MTERF1: variants seen among roughly 807,000 people sequenced by gnomAD.
The protein encoded by MTERF1 is transcription termination factor 1, mitochondrial.
A neutral mutation model predicts 31.6 loss-of-function variants in MTERF1; 29 were observed. The observed-to-expected ratio is 0.92, with a 90% confidence interval of 0.68 to 1.25. The LOEUF is 1.25. Among genes scored for constraint, MTERF1 ranks in the 50% most tolerant of loss-of-function variants. MTERF1 has a pLI of 0.00. For missense variants in MTERF1, 500 were observed against 469.1 expected, an observed-to-expected ratio of 1.07 and a Z score of -0.61; for synonymous variants, 152 against 164.1, an observed-to-expected ratio of 0.93 and a Z score of 0.57.
In MTERF1 at chr7:91,877,797, T is replaced by C. The variant is rs1481802944; in HGVS notation, c.29+2258A>G. ...TCATTCTCTGATTAAAGACCTTCTGTAGCTCTCCCCGAAAAAACAAAATCT... is the reference window on the plus strand; with the variant it reads ...TCATTCTCTGATTAAAGACCTTCTGCAGCTCTCCCCGAAAAAACAAAATCT... On this transcript the variant is annotated intron_variant, in intron 2 of 2. Transcript: ENST00000351870. Among the ~76,000 whole-genome samples, 4 of 152,218 alleles carry C rather than the reference T, an allele frequency of 2.6e-5. No homozygotes were observed. The East Asian group carries it at 5.8e-4, about 22-fold the overall frequency.
At chr7:91,875,129 G>A (rs1456585217) in intron 2 of MTERF1, among the ~76,000 whole-genome samples, 1 of 152,182 alleles carries the variant, frequency 6.6e-6, no homozygotes, top group Non-Finnish European at 1.5e-5. Context: ...AAAAGCAGGT[G>A]GGGCACCATT....
At position 91,873,549 on chromosome 7, in the gene MTERF1, G is replaced by A; in HGVS notation, c.*45C>T. 1 of 1,477,842 alleles carries A rather than the reference G, an allele frequency of 6.8e-7. No individual in the cohort carries two copies. Among genetic ancestry groups the A allele is most frequent in the Non-Finnish European group, 9.1e-7 (1 of 1,096,552 alleles). 91.5% of individuals were successfully genotyped at this position (1,477,842 alleles called of 1,614,324 possible). A position where few individuals can be genotyped will look rare whatever the true frequency, so the allele number is the denominator to read the frequency against. On this transcript the variant is annotated 3_prime_UTR_variant, in exon 3 of 3. Transcript: ENST00000351870. ...TTCTGCAAAATTCTTTTGCAATGTGGCATAACATATTCACAGTTCCTGAGA... is the reference window on the plus strand; with the variant it reads ...TTCTGCAAAATTCTTTTGCAATGTGACATAACATATTCACAGTTCCTGAGA...
Position 91,874,290 on chromosome 7 carries a change from A to C in MTERF1, c.504T>G (p.Phe168Leu). The C allele has an allele frequency of 6.2e-7, 1 of 1,614,018 alleles. No individual in the cohort carries two copies. The highest frequency in any genetic ancestry group is 1.1e-5 in the South Asian group (1 of 91,056). Residue 168 changes from phenylalanine (F) to leucine (L), a missense_variant, in exon 3 of 3, where the codon TTT becomes TTG. Transcript: ENST00000351870. Reference protein sequence around the residue: ...NILERSPESFFRSNNNLNLEN... With the variant: ...NILERSPESFLRSNNNLNLEN... ...CTAAGTTTAGGTTGTTATTGGACCG[A>C]AAAAAGGATTCAGGAGAACGTTCCA...
chr7:91,873,848 T>C lies in MTERF1; in HGVS notation c.946A>G (p.Ser316Gly). Residue 316 changes from serine (S) to glycine (G), a missense_variant, in exon 3 of 3, where the codon AGC becomes GGC. By Grantham distance (56) the Ser-to-Gly change is moderately conservative. Transcript: ENST00000351870. ...GCCAAGAAGATCACATCTGGATAGC[T>C]TAAGACAAACTTCTGTACCTCTTCT... ...TEEEVQKFVL[S>G]YPDVIFLAEK... 1 of 1,614,162 alleles carries C rather than the reference T, an allele frequency of 6.2e-7. No individual in the cohort carries two copies. Among genetic ancestry groups the C allele is most frequent in the South Asian group, 1.1e-5 (1 of 91,080 alleles).
chr7:91,872,797 AT>A lies in MTERF1; in HGVS notation c.*796del, dbSNP rs1789213403. On this transcript the variant is annotated 3_prime_UTR_variant, in exon 3 of 3. Transcript: ENST00000351870. ...AAATACCGACATTATCTGATTTGCC[AT>A]TTTTTAAGTCAATGCCTCTGAAAAT... 6.6e-6 allele frequency: 1 copy of A among 152,140 alleles called. No homozygotes were observed. The highest frequency in any genetic ancestry group is 1.5e-5 in the Non-Finnish European group (1 of 67,996). The allele number at this position is 152,140 out of a possible 1,614,324, so 9.4% of individuals were successfully genotyped here. A position where few individuals can be genotyped will look rare whatever the true frequency, so the allele number is the denominator to read the frequency against.
chr7:91,875,863 C>T (rs1373887081), intron 2 of MTERF1, among the ~76,000 whole-genome samples: 3 of 152,200 alleles, frequency 2.0e-5, no homozygotes, highest in Non-Finnish European at 4.4e-5. Context: ...TCATTCCCTA[C>T]GTTGTAACCC....
At chr7:91,874,956 T>C (rs559720431) in intron 2 of MTERF1, among the ~76,000 whole-genome samples, 192 bp from the exon 3 acceptor site, 2 of 152,286 alleles carry the variant, frequency 1.3e-5, no homozygotes, top group Admixed American at 1.3e-4. Context: ...TTTATATTTG[T>C]CTTAGCCTTT....
chr7:91,878,616 C>T (rs1789407916), intron 2 of MTERF1, among the ~76,000 whole-genome samples: 1 of 152,148 alleles, frequency 6.6e-6, no homozygotes. Flanking sequence ...GGGAGGATTG[C>T]TTAAACCCAG....
Position 91,874,470 on chromosome 7 carries a change from C to T in MTERF1, c.324G>A (p.Lys108=), listed in dbSNP as rs749196036. Residue 108 remains lysine, a synonymous_variant, in exon 3 of 3, where the codon AAG becomes AAA. Coordinates refer to ENST00000351870, the MANE Select transcript of MTERF1 (RefSeq NM_006980.5). ...TAGCTCCTTTGGAAAGAAGGAACAT[C>T]TTCAGGTCCTGCTCATTGGTAATCA... ...HRMITNEQDL[K]MFLLSKGASK... The T allele has an allele frequency of 6.2e-7, 1 of 1,614,064 alleles. No homozygotes were observed. Among genetic ancestry groups the T allele is most frequent in the South Asian group, 1.1e-5 (1 of 91,076 alleles).
intron 2 of MTERF1, among the ~76,000 whole-genome samples, chr7:91,876,084 G>C (rs539869076): frequency 1.3e-5 from 2 of 152,276 alleles, no homozygotes; most frequent in East Asian, 3.9e-4. Flanking sequence ...GCAGCTTCTA[G>C]CATGTGACTA....
chr7:91,874,227 G>A lies in MTERF1; in HGVS notation c.567C>T (p.Thr189=). The part of the protein sequence containing the change: ...NIKFLYSVGL[T]RKCLCRLLTN... The stretch of plus-strand genomic sequence containing the variant: ...TCAACAATCGACAAAGGCATTTACG[G>A]GTCAATCCAACTGAGTAGAGGAACT... The change falls in exon 3 of 3, where the codon ACC becomes ACT. Residue 189 remains threonine (T), a synonymous_variant. Coordinates refer to ENST00000351870, the MANE Select transcript of MTERF1 (RefSeq NM_006980.5). 6.2e-7 allele frequency: 1 copy of A among 1,614,066 alleles called. No homozygotes were observed. The highest frequency in any genetic ancestry group is 8.5e-7 in the Non-Finnish European group (1 of 1,180,018).
chr7:91,878,739 G>A (rs1399764107), intron 2 of MTERF1, among the ~76,000 whole-genome samples: 2 of 152,176 alleles, frequency 1.3e-5, no homozygotes, highest in East Asian at 3.9e-4. Context: ...GAAGGCTGAG[G>A]TAGGAGGACT....
chr7:91,874,650 G>A lies in MTERF1; in HGVS notation c.144C>T (p.Asn48=), dbSNP rs373609097. Residue 48 remains asparagine (N), a synonymous_variant, in exon 3 of 3, where the codon AAC becomes AAT. Coordinates refer to ENST00000351870, the MANE Select transcript of MTERF1 (RefSeq NM_006980.5). ...RCWMTRFSAE[N]IFKSVSFRLF... is the part of the protein sequence containing the mutation. Reference sequence around the variant, plus strand: ...GCCTAAATGAAACTGATTTGAAGATGTTTTCTGCTGAAAATCGAGTCATCC... The same window carrying A: ...GCCTAAATGAAACTGATTTGAAGATATTTTCTGCTGAAAATCGAGTCATCC... 65 of 1,613,926 alleles carry A rather than the reference G, an allele frequency of 4.0e-5. No homozygotes were observed. Among genetic ancestry groups the A allele is most frequent in the Non-Finnish European group, 5.3e-5 (62 of 1,180,024 alleles).
chr7:91,874,417 G>C lies in MTERF1; in HGVS notation c.377C>G (p.Ser126Ter), dbSNP rs1457442996. ...ACGTGTTATTGCTCGTGGATATCTT[G>C]ATATGATGCTAGCGATCACTTCTTT... ...ASKEVIASII[S>*]RYPRAITRTP... is the part of the protein sequence containing the mutation. The change falls in exon 3 of 3, where the codon TCA becomes TGA. Residue 126 changes from serine to a stop codon, truncating the protein, a stop_gained. Transcript: ENST00000351870. LOFTEE classifies it high-confidence loss of function. 2 of 1,614,116 alleles carry C rather than the reference G, an allele frequency of 1.2e-6. No homozygotes were observed. Among genetic ancestry groups the C allele is most frequent in the Non-Finnish European group, 1.7e-6 (2 of 1,180,010 alleles).
Position 91,874,739 on chromosome 7 carries a change from T to A in MTERF1, c.55A>T (p.Thr19Ser). 1 of 1,610,130 alleles carries A rather than the reference T, an allele frequency of 6.2e-7. No homozygotes were observed. The highest frequency in any genetic ancestry group is 8.5e-7 in the Non-Finnish European group (1 of 1,178,344). ...CAGAGGTTTCCTGGTGCCATAATGGTTAGGTAGTTCAAACCTTTTGAAATG... is the reference window on the plus strand; with the variant it reads ...CAGAGGTTTCCTGGTGCCATAATGGATAGGTAGTTCAAACCTTTTGAAATG... Reference protein sequence around the residue: ...TSISKGLNYLTIMAPGNLWHM... With the variant: ...TSISKGLNYLSIMAPGNLWHM... Residue 19 changes from threonine to serine, a missense_variant, in exon 3 of 3, where the codon ACC becomes TCC. Thr to Ser is a moderately conservative substitution (Grantham distance 58, BLOSUM62 1). Coordinates refer to ENST00000351870, the MANE Select transcript of MTERF1 (RefSeq NM_006980.5).
rs1212407753 is a variant in MTERF1 at position 91,873,823 on chromosome 7, G to C, written c.971C>G (p.Ala324Gly). The part of the protein sequence containing the change: ...VLSYPDVIFL[A>G]EKKFNDKIDC... Reference sequence around the variant, plus strand: ...TATTTTATCATTAAACTTTTTCTCTGCCAAGAAGATCACATCTGGATAGCT... The same window carrying C: ...TATTTTATCATTAAACTTTTTCTCTCCCAAGAAGATCACATCTGGATAGCT... Residue 324 changes from alanine to glycine, a missense_variant, in exon 3 of 3, where the codon GCA becomes GGA. By Grantham distance (60) the Ala-to-Gly change is moderately conservative. Transcript: ENST00000351870. 1.2e-6 allele frequency: 2 copies of C among 1,613,866 alleles called. No individual in the cohort carries two copies. Among genetic ancestry groups the C allele is most frequent in the Non-Finnish European group, 1.7e-6 (2 of 1,180,024 alleles).
At position 91,872,225 on chromosome 7, in the gene MTERF1, TTAAA is replaced by T. The variant is rs1188766871; in HGVS notation, c.*1365_*1368del. The T allele has an allele frequency of 1.3e-5, 2 of 152,344 alleles. No homozygotes were observed. The highest frequency in any genetic ancestry group is 2.1e-4 in the South Asian group (1 of 4,824). The allele number at this position is 152,344 out of a possible 1,614,324, so 9.4% of individuals were successfully genotyped here. ...TATATAAATTGAACTGTGTTAGACTTTAAATAGGTAAATTGAATATGTGAATTAT... is the reference window on the plus strand; with the variant it reads ...TATATAAATTGAACTGTGTTAGACTTTAGGTAAATTGAATATGTGAATTAT... On this transcript the variant is annotated 3_prime_UTR_variant, in exon 3 of 3. Coordinates refer to ENST00000351870, the MANE Select transcript of MTERF1 (RefSeq NM_006980.5).
Position 91,873,551 on chromosome 7 carries a change from A to G in MTERF1, c.*43T>C, listed in dbSNP as rs1446649821. On this transcript the variant is annotated 3_prime_UTR_variant, in exon 3 of 3. Coordinates refer to ENST00000351870, the MANE Select transcript of MTERF1 (RefSeq NM_006980.5). The stretch of plus-strand genomic sequence containing the variant: ...CTGCAAAATTCTTTTGCAATGTGGC[A>G]TAACATATTCACAGTTCCTGAGAAT... The G allele has an allele frequency of 6.0e-6, 9 of 1,495,960 alleles. No homozygotes were observed. The highest frequency in any genetic ancestry group is 1.4e-5 in the African/African-American group (1 of 71,182). 92.7% of individuals were successfully genotyped at this position (1,495,960 alleles called of 1,614,324 possible). A position where few individuals can be genotyped will look rare whatever the true frequency, so the allele number is the denominator to read the frequency against.
Position 91,874,475 on chromosome 7 carries a change from G to C in MTERF1, c.319C>G (p.Leu107Val). ...FHRMITNEQD[L>V]KMFLLSKGAS... ...CCTTTGGAAAGAAGGAACATCTTCA[G>C]GTCCTGCTCATTGGTAATCATCCTA... The change falls in exon 3 of 3, where the codon CTG becomes GTG. Residue 107 changes from leucine to valine, a missense_variant. Transcript: ENST00000351870. The C allele has an allele frequency of 6.2e-7, 1 of 1,613,988 alleles. No individual in the cohort carries two copies. Among genetic ancestry groups the C allele is most frequent in the Non-Finnish European group, 8.5e-7 (1 of 1,180,000 alleles).
Sources: allele counts gnomAD v4.1 joint callset (sites outside exome capture counted in the v4.1 genomes callset), GRCh38; gene constraint gnomAD v4.1.1; transcripts MANE v1.5; gene names NCBI Gene and HGNC (gene_info 2026-07-23, HGNC 2026-07-21).